Variants in PSD3 observed in about 807,000 individuals in gnomAD.
PSD3 encodes the protein pleckstrin and Sec7 domain containing 3.
Under a neutral mutation model 105.5 loss-of-function variants are expected in PSD3, and 49 were observed. That is an observed-to-expected ratio of 0.46 (90% CI 0.37 to 0.59). The LOEUF is 0.59. Among genes scored for constraint, PSD3 ranks in the 20% least tolerant of loss-of-function variants. The pLI, the probability that PSD3 is intolerant of heterozygous loss-of-function variation, is 0.00. For synonymous variants in PSD3, 557 were observed against 457.8 expected (o/e 1.22, Z -2.77); for missense variants, 1,561 against 1,263.8 (o/e 1.24, Z -3.57).
chr8:19,005,814 T>C (rs1055962455), intron 1 of PSD3, among the ~76,000 whole-genome samples: 6 of 151,912 alleles, frequency 3.9e-5, no homozygotes, highest in African/African-American at 1.4e-4. Flanking sequence ...GTGATGAATA[T>C]GCTCTAAAAT....
At chr8:18,859,117 T>A (rs569796983) in intron 4 of PSD3, among the ~76,000 whole-genome samples, 1 of 152,262 alleles carries the variant, frequency 6.6e-6, no homozygotes, top group East Asian at 1.9e-4. Flanking sequence ...ATGGATATTG[T>A]GTTGGCGGGC....
intron 11 of PSD3, among the ~76,000 whole-genome samples, chr8:18,616,452 C>T (rs893907729): frequency 6.6e-6 from 1 of 152,102 alleles, no homozygotes; most frequent in Admixed American, 6.5e-5. Context: ...GGCCTTCCCT[C>T]GTCTGGATCT....
At chr8:19,040,368 C>G (rs1770697562) in intron 1 of PSD3, among the ~76,000 whole-genome samples, 2 of 152,008 alleles carry the variant, frequency 1.3e-5, no homozygotes, top group Non-Finnish European at 2.9e-5. Context: ...CCACCCCTGG[C>G]TAATTTTTGT....
At chr8:18,991,656 G>C (rs546148426) in intron 1 of PSD3, among the ~76,000 whole-genome samples, 16 of 152,306 alleles carry the variant, frequency 1.1e-4, no homozygotes, top group African/African-American at 3.4e-4. Context: ...TGTTAATTAA[G>C]TTAGAGGTGT....
intron 4 of PSD3, among the ~76,000 whole-genome samples, chr8:18,807,685 A>T (rs1270288818): frequency 6.6e-6 from 1 of 152,232 alleles, no homozygotes; most frequent in Non-Finnish European, 1.5e-5. Context: ...GTAACCCTCA[A>T]CACCTTGAAC....
At chr8:18,739,117 A>G (rs1312505395) in intron 9 of PSD3, among the ~76,000 whole-genome samples, 2 of 152,334 alleles carry the variant, frequency 1.3e-5, no homozygotes, top group African/African-American at 4.8e-5. Flanking sequence ...AAACTAGGAA[A>G]ACTTCAGATG....
chr8:18,568,318 T>C (rs1801921375), intron 14 of PSD3, among the ~76,000 whole-genome samples: 1 of 152,020 alleles, frequency 6.6e-6, no homozygotes, highest in African/African-American at 2.4e-5. Context: ...TTCTCCCTGT[T>C]TGTATTAAAT....
chr8:18,749,001 A>T (rs1464688258), intron 9 of PSD3, among the ~76,000 whole-genome samples: 1 of 152,244 alleles, frequency 6.6e-6, no homozygotes, highest in East Asian at 1.9e-4. Context: ...AACGCTACTC[A>T]GTTCTTTCTA....
chr8:18,593,181 C>A (rs567014121), intron 12 of PSD3, among the ~76,000 whole-genome samples: 2 of 152,016 alleles, frequency 1.3e-5, no homozygotes, highest in South Asian at 2.1e-4. Flanking sequence ...TCAGAGTGAA[C>A]ACGCAACCTA....
chr8:18,560,954 C>A (rs565556949), intron 14 of PSD3, among the ~76,000 whole-genome samples: 1 of 151,712 alleles, frequency 6.6e-6, no homozygotes, highest in Non-Finnish European at 1.5e-5. Flanking sequence ...CCTTTTTTGC[C>A]CCCGTCTTCT....
intron 1 of PSD3, among the ~76,000 whole-genome samples, chr8:18,946,639 C>T (rs1053052970): frequency 4.6e-5 from 7 of 151,576 alleles, no homozygotes; most frequent in African/African-American, 1.7e-4. Flanking sequence ...GTGGCTCACG[C>T]CTGTAATCCT....
At chr8:18,735,463 C>T (rs1804084663) in intron 9 of PSD3, among the ~76,000 whole-genome samples, 1 of 152,098 alleles carries the variant, frequency 6.6e-6, no homozygotes. Context: ...GGATAAGATT[C>T]CCAGGGGATA....
At chr8:18,691,518 T>C (rs540473105) in intron 9 of PSD3, among the ~76,000 whole-genome samples, 9 of 152,354 alleles carry the variant, frequency 5.9e-5, no homozygotes, top group African/African-American at 2.2e-4. Flanking sequence ...TAAACTCTTC[T>C]TTCTGTGCTA....
At chr8:18,684,356 C>A (rs979752200) in intron 9 of PSD3, among the ~76,000 whole-genome samples, 2 of 152,010 alleles carry the variant, frequency 1.3e-5, no homozygotes, top group Admixed American at 1.3e-4. Flanking sequence ...GTGAAGTAAG[C>A]TCATTAATGT....
intron 9 of PSD3, among the ~76,000 whole-genome samples, chr8:18,724,603 C>A (rs1045968289): frequency 6.6e-6 from 1 of 151,686 alleles, no homozygotes; most frequent in Non-Finnish European, 1.5e-5. Flanking sequence ...CAGAGTGAGA[C>A]CCTGTCTCTA....
intron 1 of PSD3, among the ~76,000 whole-genome samples, chr8:18,938,349 C>T (rs1174753276): frequency 1.3e-5 from 2 of 151,436 alleles, no homozygotes; most frequent in East Asian, 2.0e-4. Context: ...GGGCCAGGCA[C>T]AGTGGCTCAT....
intron 9 of PSD3, among the ~76,000 whole-genome samples, chr8:18,674,068 C>A (rs751927307): frequency 1.3e-5 from 2 of 151,978 alleles, no homozygotes; most frequent in Non-Finnish European, 2.9e-5. Context: ...ATTCCTTGAG[C>A]CCAGGAAGTG....
intron 12 of PSD3, among the ~76,000 whole-genome samples, chr8:18,588,905 C>T (rs1455398380): frequency 2.0e-5 from 3 of 147,754 alleles, no homozygotes; most frequent in Non-Finnish European, 4.5e-5. Context: ...GTGTTCTCTT[C>T]CCAGGCCCAC....
At chr8:18,591,569 C>A (rs192931736) in intron 12 of PSD3, among the ~76,000 whole-genome samples, 1 of 152,286 alleles carries the variant, frequency 6.6e-6, no homozygotes, top group Non-Finnish European at 1.5e-5. Context: ...ACAGCACTAA[C>A]AGAACTAGCA....
Sources: gnomAD v4.1 joint callset for allele counts (sites outside exome capture counted in the v4.1 genomes callset) on GRCh38, gnomAD v4.1.1 for gene constraint, MANE v1.5 for transcripts, NCBI Gene and HGNC (gene_info 2026-07-23, HGNC 2026-07-21) for gene names.